Variants in ZBTB16 observed in about 807,000 individuals in gnomAD.
ZBTB16 encodes the protein zinc finger and BTB domain-containing protein 16.
A neutral mutation model predicts 56.8 loss-of-function variants in ZBTB16; 8 were observed. The observed-to-expected ratio is 0.14, with a 90% confidence interval of 0.08 to 0.25. The LOEUF (loss-of-function observed/expected upper bound fraction) is 0.25, where lower values mean the gene tolerates loss of function less well. Among genes scored for constraint, ZBTB16 ranks in the 10% least tolerant of loss-of-function variants. The pLI is 1.00. For missense variants in ZBTB16, 625 were observed against 903.0 expected, an observed-to-expected ratio of 0.69 and a Z score of 3.95; for synonymous variants, 363 against 368.5, an observed-to-expected ratio of 0.98 and a Z score of 0.17.
chr11:114,221,083 C>G (rs991893646), intron 4 of ZBTB16, among the ~76,000 whole-genome samples: 3 of 152,218 alleles, frequency 2.0e-5, no homozygotes, highest in East Asian at 3.8e-4. Flanking sequence ...CCCACTCCCC[C>G]CTCATGCCCT....
chr11:114,092,632 T>G (rs1329667236), intron 2 of ZBTB16, among the ~76,000 whole-genome samples: 2 of 152,220 alleles, frequency 1.3e-5, no homozygotes, highest in African/African-American at 4.8e-5. Flanking sequence ...TCAATTCTTC[T>G]TCTCCCTGTA....
intron 4 of ZBTB16, among the ~76,000 whole-genome samples, chr11:114,233,093 A>ACG (rs1157531432): frequency 2.7e-4 from 8 of 29,602 alleles, no homozygotes; most frequent in Non-Finnish European, 4.1e-4. Context: ...ACACACACAC[A>ACG]CACACACACA....
intron 3 of ZBTB16, among the ~76,000 whole-genome samples, chr11:114,166,012 C>A (rs1358227297): frequency 2.0e-5 from 3 of 152,102 alleles, no homozygotes; most frequent in Non-Finnish European, 4.4e-5. Flanking sequence ...CCAGCTCACC[C>A]AGAGCAACCA....
chr11:114,141,992 G>T (rs554130050), intron 2 of ZBTB16, among the ~76,000 whole-genome samples: 1 of 152,114 alleles, frequency 6.6e-6, no homozygotes, highest in Non-Finnish European at 1.5e-5. Flanking sequence ...ATCACTTTTC[G>T]TGTCTCTGAC....
intron 4 of ZBTB16, chr11:114,188,807 T>C (rs752591689): frequency 6.6e-6 from 1 of 152,108 alleles, no homozygotes; most frequent in African/African-American, 2.4e-5. Context: ...TAGAGAATAA[T>C]AGGGAGAAAA....
At chr11:114,169,133 C>T (rs560191244) in intron 3 of ZBTB16, among the ~76,000 whole-genome samples, 116 of 152,174 alleles carry the variant, frequency 7.6e-4, no homozygotes, top group African/African-American at 2.6e-3. Flanking sequence ...TCCTGCATGG[C>T]GACGCAACTG....
At chr11:114,107,017 G>A (rs1055029959) in intron 2 of ZBTB16, among the ~76,000 whole-genome samples, 1 of 152,236 alleles carries the variant, frequency 6.6e-6, no homozygotes, top group African/African-American at 2.4e-5. Flanking sequence ...CTTGGGAAGG[G>A]GCAGGATGCA....
At chr11:114,083,554 G>A (rs1478006138) in intron 2 of ZBTB16, among the ~76,000 whole-genome samples, 1 of 152,118 alleles carries the variant, frequency 6.6e-6, no homozygotes. Context: ...CAGATGAGCT[G>A]AGCCCTAGCA....
At chr11:114,148,457 G>T (rs12798351) in intron 2 of ZBTB16, among the ~76,000 whole-genome samples, 15,918 of 59,244 alleles carry the variant, frequency 0.27, 4,977 homozygotes, top group Middle Eastern at 0.43. Context: ...CTGTCTGTCT[G>T]TCTCTCTCTC....
At chr11:114,116,620 C>T (rs1233629709) in intron 2 of ZBTB16, among the ~76,000 whole-genome samples, 1 of 152,070 alleles carries the variant, frequency 6.6e-6, no homozygotes, top group African/African-American at 2.4e-5. Flanking sequence ...TACTGAATAC[C>T]TACTAGATGT....
At chr11:114,105,726 T>C (rs538747938) in intron 2 of ZBTB16, among the ~76,000 whole-genome samples, 48 of 152,354 alleles carry the variant, frequency 3.2e-4, no homozygotes, top group African/African-American at 1.1e-3. Flanking sequence ...TGTTCTCTTC[T>C]CCTCCTCTTA....
chr11:114,163,150 A>G (rs535563317), intron 3 of ZBTB16, among the ~76,000 whole-genome samples: 37 of 151,918 alleles, frequency 2.4e-4, no homozygotes, highest in Admixed American at 4.6e-4. Flanking sequence ...TGAAAAATAC[A>G]TTTCTTTCCT....
intron 4 of ZBTB16, among the ~76,000 whole-genome samples, chr11:114,239,810 C>T (rs980293728): frequency 6.6e-6 from 1 of 152,132 alleles, no homozygotes; most frequent in African/African-American, 2.4e-5. Context: ...CAGGGTAAGC[C>T]CAGACAGGCG....
chr11:114,241,703 A>T (rs56160039), intron 4 of ZBTB16, among the ~76,000 whole-genome samples: 13,866 of 152,190 alleles, frequency 0.091, 2,059 homozygotes, highest in African/African-American at 0.31. Context: ...GATGAGGATA[A>T]CAGAGGCTAG....
chr11:114,182,352 C>T (rs530929316), intron 3 of ZBTB16, among the ~76,000 whole-genome samples: 1 of 152,252 alleles, frequency 6.6e-6, no homozygotes, highest in South Asian at 2.1e-4. Flanking sequence ...GTCCGGCCCT[C>T]TTCATTTAAT....
Position 114,063,195 on chromosome 11 carries a change from CT to C in ZBTB16, c.-90-15del. ...TCTCTCATCTCTTTTGCTTCTTCCC[CT>C]CTTCTTTCTCCTAGCCTCCTCTATT... is the stretch of plus-strand genomic sequence containing the variant. On this transcript the variant is annotated splice_polypyrimidine_tract_variant and intron_variant, in intron 1 of 6. Coordinates refer to ENST00000335953, the MANE Select transcript of ZBTB16 (RefSeq NM_006006.6). This position sits in a 1 kb window ranked among gnomAD's most constrained non-coding sequence, Gnocchi z 6.5. The C allele has an allele frequency of 1.6e-6, 2 of 1,284,766 alleles. No individual in the cohort carries two copies. The highest frequency in any genetic ancestry group is 2.2e-6 in the Non-Finnish European group (2 of 917,018). The allele number at this position is 1,284,766 out of a possible 1,614,324, so 79.6% of individuals were successfully genotyped here. A position where few individuals can be genotyped will look rare whatever the true frequency, so the allele number is the denominator to read the frequency against.
At chr11:114,093,313 G>T (rs918344298) in intron 2 of ZBTB16, among the ~76,000 whole-genome samples, 1 of 150,558 alleles carries the variant, frequency 6.6e-6, no homozygotes, top group South Asian at 2.1e-4. Flanking sequence ...TTGTGGAGAG[G>T]TGAACACCGT....
intron 4 of ZBTB16, among the ~76,000 whole-genome samples, chr11:114,221,216 G>A (rs1219021630): frequency 1.3e-5 from 2 of 152,182 alleles, no homozygotes; most frequent in Admixed American, 1.3e-4. Context: ...TAATCAAACA[G>A]ATACTCCCTG....
At chr11:114,118,375 C>T (rs1049539599) in intron 2 of ZBTB16, among the ~76,000 whole-genome samples, 6 of 152,114 alleles carry the variant, frequency 3.9e-5, no homozygotes, top group African/African-American at 1.4e-4. Context: ...CAGGGTTTTA[C>T]CATGTTGGCC....
Sources: allele counts gnomAD v4.1 joint callset (sites outside exome capture counted in the v4.1 genomes callset), GRCh38; gene constraint gnomAD v4.1.1; non-coding constraint Gnocchi (gnomAD v3.1); transcripts MANE v1.5; gene names NCBI Gene and HGNC (gene_info 2026-07-23, HGNC 2026-07-21).